Variants in SYNPR observed in about 807,000 individuals in gnomAD.
SYNPR encodes the protein synaptoporin.
Under a neutral mutation model 32.9 loss-of-function variants are expected in SYNPR, and 23 were observed. The ratio of observed to expected loss-of-function variants is 0.70; its 90% CI spans 0.50 to 0.99. The LOEUF is 0.99. SYNPR is among the 50% of genes least tolerant of loss of function. SYNPR has a pLI of 0.00. For synonymous variants in SYNPR, 146 were observed against 135.9 expected, an observed-to-expected ratio of 1.07 and a Z score of -0.52; for missense variants, 318 against 349.3, an observed-to-expected ratio of 0.91 and a Z score of 0.71.
the SYNPR span, among the ~76,000 whole-genome samples, chr3:63,217,078 A>T: frequency 3.7e-5 from 1 of 26,694 alleles, no homozygotes; most frequent in East Asian, 3.6e-4. Context: ...TCAGATCTCC[A>T]GCTGCGTGCT....
At chr3:63,444,684 T>C (rs1700240091) in intron 2 of SYNPR, among the ~76,000 whole-genome samples, 1 of 152,158 alleles carries the variant, frequency 6.6e-6, no homozygotes, top group African/African-American at 2.4e-5. Flanking sequence ...TCAGAATGCC[T>C]GTCTGGGAGT....
chr3:63,318,523 C>G (rs1449060096), intron 2 of SYNPR, among the ~76,000 whole-genome samples: 1 of 151,858 alleles, frequency 6.6e-6, no homozygotes, highest in African/African-American at 2.4e-5. Flanking sequence ...GTGAATTTCT[C>G]TCTTCTGTTT....
Position 63,401,882 on chromosome 3 carries a change from G to T in SYNPR, c.85-78950G>T, listed in dbSNP as rs549794760. On this transcript the variant is annotated intron_variant, in intron 2 of 5. Transcript: ENST00000478300. ...GATGAACCCAATTTGTCATCCCTGG[G>T]CTCAGTATCTCTGAAAGTTGAGAAA... Among the ~76,000 whole-genome samples the T allele has an allele frequency of 1.6e-4, 24 of 152,282 alleles. No homozygotes were observed. In the South Asian group the frequency reaches 1.7e-3, roughly 11 times the overall value.
chr3:63,454,663 A>G lies in SYNPR; in HGVS notation c.85-26169A>G, dbSNP rs570219475. Among the ~76,000 whole-genome samples, 27 of 152,178 alleles carry G rather than the reference A, an allele frequency of 1.8e-4. 1 individual carries two copies. The South Asian group carries it at 5.6e-3, about 32-fold the overall frequency. On this transcript the variant is annotated intron_variant, in intron 2 of 5. Coordinates refer to ENST00000478300, the MANE Select transcript of SYNPR (RefSeq NM_001130003.2). Reference sequence around the variant, plus strand: ...TCCTCATTCTCCAAATTCAACTTGGACTTTACCACAGGATCTCTACTTATT... The same window carrying G: ...TCCTCATTCTCCAAATTCAACTTGGGCTTTACCACAGGATCTCTACTTATT...
intron 2 of SYNPR, among the ~76,000 whole-genome samples, chr3:63,409,921 G>T (rs962437060): frequency 6.6e-6 from 1 of 152,112 alleles, no homozygotes; most frequent in Non-Finnish European, 1.5e-5. Flanking sequence ...TGCACAATTC[G>T]TGTTCTCTTT....
chr3:63,301,337 A>AT, intron 2 of SYNPR, among the ~76,000 whole-genome samples: 1 of 152,248 alleles, frequency 6.6e-6, no homozygotes, highest in East Asian at 1.9e-4. Flanking sequence ...TTGAGAAGCT[A>AT]TTTTTAAAAT....
rs2887068 is a variant in SYNPR at position 63,347,901 on chromosome 3, G to A, written c.84+69159G>A. On this transcript the variant is annotated intron_variant, in intron 2 of 5. Coordinates refer to ENST00000478300, the MANE Select transcript of SYNPR (RefSeq NM_001130003.2). ...TGTGTGTGTGTGTGTGTGTGTGTGT[G>A]TGTGTGTGTGTGTGTGTATGTATAT... is the stretch of plus-strand genomic sequence containing the variant. Among the ~76,000 whole-genome samples the A allele has an allele frequency of 7.2e-3, 1,086 of 151,454 alleles. 12 individuals carry two copies. Among genetic ancestry groups the A allele is most frequent in the African/African-American group, 0.025 (1,014 of 41,142 alleles).
intron 2 of SYNPR, among the ~76,000 whole-genome samples, chr3:63,424,806 C>T (rs528800062): frequency 6.6e-6 from 1 of 152,200 alleles, no homozygotes; most frequent in Non-Finnish European, 1.5e-5. Flanking sequence ...TTTTCCTTAC[C>T]ACTCTTCATA....
intron 3 of SYNPR, among the ~76,000 whole-genome samples, chr3:63,542,925 A>C (rs188414413): frequency 4.1e-4 from 62 of 152,250 alleles, no homozygotes; most frequent in African/African-American, 1.5e-3. Flanking sequence ...AAAATTTATC[A>C]TCTAGATCAG....
At chr3:63,361,348 G>A (rs761018401) in intron 2 of SYNPR, among the ~76,000 whole-genome samples, 3 of 152,112 alleles carry the variant, frequency 2.0e-5, no homozygotes, top group African/African-American at 4.8e-5. Context: ...AGCACTTTGG[G>A]AGGCCAAGGT....
At chr3:63,313,233 A>AT (rs1183574216) in intron 2 of SYNPR, among the ~76,000 whole-genome samples, 1 of 151,662 alleles carries the variant, frequency 6.6e-6, no homozygotes, top group Non-Finnish European at 1.5e-5. Flanking sequence ...TTATTGTATT[A>AT]TTTTTTACTG....
intron 2 of SYNPR, among the ~76,000 whole-genome samples, chr3:63,336,519 C>CAAAAAAAAA (rs3082131): frequency 2.5e-4 from 12 of 48,834 alleles, no homozygotes; most frequent in Admixed American, 7.3e-4. Flanking sequence ...CATTCCCATG[C>CAAAAAAAAA]AAAAAAAAAA....
chr3:63,336,005 AC>A (rs1195674483), intron 2 of SYNPR, among the ~76,000 whole-genome samples: 1 of 151,726 alleles, frequency 6.6e-6, no homozygotes, highest in Admixed American at 6.6e-5. Context: ...TGAACTCCTA[AC>A]CTCAGGTGAT....
chr3:63,228,441 C>G (rs754200372), intron 1 of SYNPR: 3 of 152,158 alleles, frequency 2.0e-5, no homozygotes, highest in African/African-American at 4.8e-5. Flanking sequence ...CTGTGCCACT[C>G]CTTTAACTTA....
At chr3:63,608,320 G>A (rs1229468243) in intron 4 of SYNPR, among the ~76,000 whole-genome samples, 1 of 152,014 alleles carries the variant, frequency 6.6e-6, no homozygotes, top group East Asian at 1.9e-4. Context: ...TGATTTTCAG[G>A]GTCAGACAGA....
chr3:63,378,686 AT>A (rs1560210345), intron 2 of SYNPR, among the ~76,000 whole-genome samples: 1 of 151,782 alleles, frequency 6.6e-6, no homozygotes, highest in Non-Finnish European at 1.5e-5. Flanking sequence ...GTATTATCTT[AT>A]CCTCTTGACG....
intron 2 of SYNPR, among the ~76,000 whole-genome samples, chr3:63,288,903 C>G (rs9853765): frequency 0.47 from 72,097 of 151,894 alleles, 17,369 homozygotes; most frequent in African/African-American, 0.54. Context: ...AGAAGGCAGT[C>G]TGGAACTTAA....
chr3:63,293,060 A>G (rs1327827785), intron 2 of SYNPR, among the ~76,000 whole-genome samples: 2 of 152,210 alleles, frequency 1.3e-5, no homozygotes, highest in African/African-American at 4.8e-5. Context: ...AGAAAAAAAA[A>G]GCCCCACAAT....
At chr3:63,557,536 T>C (rs760995492) in intron 4 of SYNPR, among the ~76,000 whole-genome samples, 3 of 152,258 alleles carry the variant, frequency 2.0e-5, no homozygotes, top group Non-Finnish European at 4.4e-5. Flanking sequence ...GGTGCTGGTG[T>C]TGACAAAAGT....
Sources: allele counts gnomAD v4.1 joint callset (sites outside exome capture counted in the v4.1 genomes callset), GRCh38; gene constraint gnomAD v4.1.1; transcripts MANE v1.5; gene names NCBI Gene and HGNC (gene_info 2026-07-23, HGNC 2026-07-21).